Variants in ZNF638 observed in about 807,000 individuals in gnomAD.
The protein encoded by ZNF638 is zinc finger protein 638.
In ZNF638, 46 loss-of-function variants were observed where a neutral mutation model predicts 195.6. The observed-to-expected ratio is 0.24, with a 90% CI of 0.19 to 0.30. The LOEUF is 0.30. Among genes scored for constraint, ZNF638 ranks in the 10% least tolerant of loss-of-function variants. ZNF638 has a pLI of 1.00. For missense variants in ZNF638, 2,440 were observed against 2,325.3 expected (o/e 1.05, Z -1.01); for synonymous variants, 845 against 772.0 (o/e 1.09, Z -1.57).
chr2:71,407,873 GTAA>G, intron 19 of ZNF638: 1 of 314,840 alleles, frequency 3.2e-6, no homozygotes, highest in Non-Finnish European at 5.8e-6. Context: ...TTAAAGCTGA[GTAA>G]TAATTCTGTT....
At chr2:71,424,598 A>T in intron 22 of ZNF638, 52 bp from the exon 23 acceptor site, 1 of 1,432,506 alleles carries the variant, frequency 7.0e-7, no homozygotes, top group Non-Finnish European at 9.6e-7. Context: ...CCAGAACATT[A>T]ATAATATGGT....
chr2:71,418,884 A>G (rs986330718), intron 21 of ZNF638, among the ~76,000 whole-genome samples: 7 of 152,204 alleles, frequency 4.6e-5, no homozygotes, highest in Non-Finnish European at 7.4e-5. Context: ...GTATATAAAC[A>G]GTTTGAATTA....
chr2:71,412,187 A>G (rs1292360893), intron 20 of ZNF638, among the ~76,000 whole-genome samples: 1 of 34,434 alleles, frequency 2.9e-5, no homozygotes, highest in Non-Finnish European at 5.0e-5. Context: ...GTGAGATGAT[A>G]TCTCATAGTG....
intron 19 of ZNF638, among the ~76,000 whole-genome samples, chr2:71,406,641 T>G (rs2080110894): frequency 6.6e-6 from 1 of 152,186 alleles, no homozygotes. Flanking sequence ...CAATATTTCT[T>G]TAAGTCCCTT....
intron 10 of ZNF638, among the ~76,000 whole-genome samples, chr2:71,384,488 AT>A (rs1252828019): frequency 1.3e-5 from 2 of 152,186 alleles, no homozygotes; most frequent in African/African-American, 4.8e-5. Flanking sequence ...ATGTTACTTC[AT>A]TCCTTGGTTC....
At chr2:71,369,027 A>G (rs2079256457) in intron 7 of ZNF638, among the ~76,000 whole-genome samples, 1 of 150,638 alleles carries the variant, frequency 6.6e-6, no homozygotes, top group Non-Finnish European at 1.5e-5. Flanking sequence ...TTCTTCACAT[A>G]AGCACAACAT....
chr2:71,425,550 T>C (rs967379023), intron 23 of ZNF638, among the ~76,000 whole-genome samples: 1 of 152,238 alleles, frequency 6.6e-6, no homozygotes, highest in Non-Finnish European at 1.5e-5. Context: ...TCTTTACTAT[T>C]GACGGCATTT....
chr2:71,403,712 C>A, intron 16 of ZNF638, 158 bp from the exon 17 acceptor site: 1 of 452,384 alleles, frequency 2.2e-6, no homozygotes. Context: ...AGTCTTTGGG[C>A]CTCAATTTTC....
chr2:71,426,108 T>C (rs2080534438), intron 23 of ZNF638, among the ~76,000 whole-genome samples: 1 of 152,226 alleles, frequency 6.6e-6, no homozygotes, highest in African/African-American at 2.4e-5. Context: ...TTATTAGATG[T>C]TTGACATATG....
At chr2:71,411,597 G>T (rs533901978) in intron 20 of ZNF638, among the ~76,000 whole-genome samples, 3,223 of 114,544 alleles carry the variant, frequency 0.028, 181 homozygotes, top group African/African-American at 0.1. Context: ...CTAGCATTAG[G>T]TATATCTCCC....
chr2:71,347,255 TAAAC>T (rs979603873), intron 1 of ZNF638, among the ~76,000 whole-genome samples: 15 of 152,104 alleles, frequency 9.9e-5, no homozygotes, highest in African/African-American at 2.7e-4. Context: ...GGTTGGACCT[TAAAC>T]AATAAAGCTA....
intron 7 of ZNF638, among the ~76,000 whole-genome samples, chr2:71,369,580 C>T (rs1295188475): frequency 2.0e-5 from 3 of 152,188 alleles, no homozygotes; most frequent in African/African-American, 7.2e-5. Flanking sequence ...TGGACCATAT[C>T]TTCCCTTCCC....
rs1276333222 is a variant in ZNF638 at position 71,410,373 on chromosome 2, T to TG, written c.3261+2126_3261+2127insG. Among the ~76,000 whole-genome samples the TG allele has an allele frequency of 4.9e-3, 719 of 146,088 alleles. 5 individuals are homozygous for TG. Among genetic ancestry groups the TG allele is most frequent in the African/African-American group, 0.017 (686 of 39,670 alleles). The stretch of plus-strand genomic sequence containing the variant: ...CTTTATTTTATTTGATTTTTGATTT[T>TG]TTTTTTGTGTGTGTGTGTGTGTAGA... On this transcript the variant is annotated intron_variant, in intron 20 of 27. Coordinates refer to ENST00000264447, the MANE Select transcript of ZNF638 (RefSeq NM_014497.5).
At chr2:71,341,850 A>T (rs935263037) in intron 1 of ZNF638, 1 of 152,082 alleles carries the variant, frequency 6.6e-6, no homozygotes, top group Non-Finnish European at 1.5e-5. Flanking sequence ...ATTAATGCCA[A>T]ATTTGCCTTT....
chr2:71,428,435 T>C lies in ZNF638; in HGVS notation c.5546-112T>C, dbSNP rs915141046. ...TAGCAGTAGGCTTCCCTCCCAAATT[T>C]GGGTATTTTTTGCAAAAATGTATAA... On this transcript the variant is annotated intron_variant, in intron 24 of 27. Transcript: ENST00000264447. 4 of 729,776 alleles carry C rather than the reference T, an allele frequency of 5.5e-6. No homozygotes were observed. In the African/African-American group the frequency reaches 7.1e-5, roughly 13 times the overall value. The allele number at this position is 729,776 out of a possible 1,614,324, so 45.2% of individuals were successfully genotyped here.
At chr2:71,337,323 C>G (rs904606494) in intron 1 of ZNF638, among the ~76,000 whole-genome samples, 1 of 152,044 alleles carries the variant, frequency 6.6e-6, no homozygotes, top group Non-Finnish European at 1.5e-5. Flanking sequence ...TATTGTGGTC[C>G]TTTATCTCTA....
chr2:71,336,454 TACTG>T (rs746154510), intron 1 of ZNF638, among the ~76,000 whole-genome samples: 2 of 141,122 alleles, frequency 1.4e-5, no homozygotes, highest in East Asian at 2.4e-4. Context: ...ATATAGGAAA[TACTG>T]AAAGAAAGGT....
chr2:71,408,333 C>G, intron 20 of ZNF638, 86 bp downstream of exon 20: 1 of 1,432,696 alleles, frequency 7.0e-7, no homozygotes, highest in Admixed American at 2.5e-5. Context: ...CAAACTGTTT[C>G]TGTGTTTAGA....
chr2:71,409,726 C>T (rs1167058240), intron 20 of ZNF638, among the ~76,000 whole-genome samples: 2 of 152,114 alleles, frequency 1.3e-5, no homozygotes, highest in African/African-American at 2.4e-5. Flanking sequence ...AACTTAATTA[C>T]TATTTGTTGA....
Sources: allele counts gnomAD v4.1 joint callset (sites outside exome capture counted in the v4.1 genomes callset), GRCh38; gene constraint gnomAD v4.1.1; transcripts MANE v1.5; gene names NCBI Gene and HGNC (gene_info 2026-07-23, HGNC 2026-07-21).